The following MORC1 variants were observed in gnomAD, a reference collection of about 807,000 sequenced individuals.
The protein encoded by MORC1 is MORC family CW-type zinc finger 1, also known as MORC family CW-type zinc finger protein 1.
In MORC1, 59 loss-of-function variants were observed where a neutral mutation model predicts 134.9. The ratio of observed to expected loss-of-function variants is 0.44; its 90% CI spans 0.35 to 0.54. The LOEUF is 0.54. MORC1 is among the 20% of genes least tolerant of loss of function. MORC1 has a pLI of 0.00. For synonymous variants in MORC1, 395 were observed against 391.7 expected, an observed-to-expected ratio of 1.01 and a Z score of -0.10; for missense variants, 947 against 1,134.5, an observed-to-expected ratio of 0.83 and a Z score of 2.37.
intron 27 of MORC1, 69 bp downstream of exon 27, chr3:108,963,345 G>T: frequency 7.7e-7 from 1 of 1,294,926 alleles, no homozygotes; most frequent in Non-Finnish European, 1.1e-6. Flanking sequence ...GACAATGTTA[G>T]GAGAAGTTAG....
At chr3:108,997,302 G>A (rs888748878) in intron 21 of MORC1, among the ~76,000 whole-genome samples, 1 of 152,208 alleles carries the variant, frequency 6.6e-6, no homozygotes, top group Non-Finnish European at 1.5e-5. Flanking sequence ...GGAGGCCAAG[G>A]TGGGTGGATC....
rs145918524 is a variant in MORC1 at position 109,089,221 on chromosome 3, TAAAAG to T, written c.689+4210_689+4214del. 3.9e-4 allele frequency among the ~76,000 whole-genome samples: 60 copies of T among 152,166 alleles called. No homozygotes were observed. The East Asian group carries it at 0.012, about 29-fold the overall frequency. On this transcript the variant is annotated intron_variant, in intron 8 of 27. Transcript: ENST00000232603. The stretch of plus-strand genomic sequence containing the variant: ...TACCCCTGAACCTAAAATAAAAGTC[TAAAAG>T]AAAAGTAATGCTTAGATCCAATTCA...
At chr3:109,033,256 TGAAA>T (rs904603284) in intron 15 of MORC1, among the ~76,000 whole-genome samples, 7 of 122,190 alleles carry the variant, frequency 5.7e-5, no homozygotes, top group Non-Finnish European at 8.6e-5. Flanking sequence ...AAAATTAAAC[TGAAA>T]GAAAGAAAGA....
At chr3:109,027,664 G>A (rs1949113412) in intron 17 of MORC1, 87 bp downstream of exon 17, 1 of 1,522,378 alleles carries the variant, frequency 6.6e-7, no homozygotes, top group East Asian at 2.3e-5. Flanking sequence ...ACATTTTATT[G>A]TGTAAACCAC....
At position 109,100,910 on chromosome 3, in the gene MORC1, T is replaced by C. The variant is rs1246978102; in HGVS notation, c.224-403A>G. Among the ~76,000 whole-genome samples, 4 of 152,286 alleles carry C rather than the reference T, an allele frequency of 2.6e-5. No individual in the cohort carries two copies. In the East Asian group the frequency reaches 7.7e-4, roughly 29 times the overall value. On this transcript the variant is annotated intron_variant, in intron 4 of 27. Transcript: ENST00000232603. The stretch of plus-strand genomic sequence containing the variant: ...GATTTAAAGTATACAGGAGGATATA[T>C]ATAGGTTATACGGAAATACCGTGCC...
chr3:108,987,576 C>A (rs184906224), intron 21 of MORC1, among the ~76,000 whole-genome samples: 2 of 151,840 alleles, frequency 1.3e-5, no homozygotes, highest in Non-Finnish European at 2.9e-5. Context: ...GGGTTACTGG[C>A]ACCTGGAGAG....
intron 8 of MORC1, among the ~76,000 whole-genome samples, chr3:109,074,897 G>A (rs575246979): frequency 2.0e-5 from 3 of 152,192 alleles, no homozygotes; most frequent in Non-Finnish European, 4.4e-5. Flanking sequence ...ATATGAAGTA[G>A]ATGATGTTAT....
intron 24 of MORC1, among the ~76,000 whole-genome samples, chr3:108,978,149 T>A (rs534845634): frequency 5.1e-4 from 78 of 152,280 alleles, no homozygotes; most frequent in African/African-American, 1.8e-3. Flanking sequence ...AGTGCTGGGA[T>A]TACAGGCATG....
intron 8 of MORC1, among the ~76,000 whole-genome samples, chr3:109,082,219 G>A (rs1392147460): frequency 4.7e-5 from 7 of 149,424 alleles, no homozygotes; most frequent in Non-Finnish European, 1.0e-4. Context: ...ACCTAGTGCC[G>A]AAAAGAAGGC....
intron 14 of MORC1, among the ~76,000 whole-genome samples, chr3:109,050,859 G>A (rs996536241): frequency 6.6e-6 from 1 of 152,118 alleles, no homozygotes; most frequent in Admixed American, 6.5e-5. Context: ...AAGGTGACTA[G>A]GCTAAATGAA....
chr3:109,096,345 C>A (rs1950830791), intron 6 of MORC1, among the ~76,000 whole-genome samples: 1 of 152,044 alleles, frequency 6.6e-6, no homozygotes, highest in Non-Finnish European at 1.5e-5. Flanking sequence ...GAGGTGGGCA[C>A]AAGATACAGG....
At chr3:108,981,428 G>C (rs962167864) in intron 23 of MORC1, among the ~76,000 whole-genome samples, 1 of 152,088 alleles carries the variant, frequency 6.6e-6, no homozygotes, top group African/African-American at 2.4e-5. Flanking sequence ...TTAATTGCCT[G>C]TTAAAGAATA....
At chr3:109,024,553 A>T (rs1254418697) in intron 17 of MORC1, among the ~76,000 whole-genome samples, 2 of 152,180 alleles carry the variant, frequency 1.3e-5, no homozygotes, top group Non-Finnish European at 2.9e-5. Flanking sequence ...CCAGATCAAG[A>T]TGCCTGCTAC....
chr3:109,087,187 G>C (rs938186072), intron 8 of MORC1, among the ~76,000 whole-genome samples: 1 of 132,580 alleles, frequency 7.5e-6, no homozygotes, highest in African/African-American at 2.8e-5. Context: ...GCAAACAAGG[G>C]AGAGTGAGGT....
At chr3:108,999,177 T>C (rs984341747) in intron 21 of MORC1, among the ~76,000 whole-genome samples, 3 of 152,268 alleles carry the variant, frequency 2.0e-5, no homozygotes, top group African/African-American at 7.2e-5. Flanking sequence ...TTGAAAATAC[T>C]TTGGTGTTTA....
At chr3:109,101,169 T>C (rs1259787972) in intron 4 of MORC1, among the ~76,000 whole-genome samples, 3 of 152,190 alleles carry the variant, frequency 2.0e-5, no homozygotes, top group Non-Finnish European at 4.4e-5. Context: ...GATGATGTAT[T>C]TGTGAAATCC....
At position 109,042,719 on chromosome 3, in the gene MORC1, G is replaced by A. The variant is rs191557582; in HGVS notation, c.1331-7251C>T. 4.6e-5 allele frequency among the ~76,000 whole-genome samples: 7 copies of A among 152,232 alleles called. No individual in the cohort carries two copies. The East Asian group carries it at 1.4e-3, about 29-fold the overall frequency. ...TAGATAAAGGGTTTCAGAACATGTG[G>A]TACCTATACAATGGAATACTATTTA... On this transcript the variant is annotated intron_variant, in intron 14 of 27. Coordinates refer to ENST00000232603, the MANE Select transcript of MORC1 (RefSeq NM_014429.4).
intron 22 of MORC1, 79 bp from the exon 23 acceptor site, chr3:108,984,861 T>TTAAC (rs1295291060): frequency 8.8e-6 from 9 of 1,022,370 alleles, no homozygotes; most frequent in Middle Eastern, 4.2e-4. Context: ...TAGCAGTTCA[T>TTAAC]TAACTACCTC....
At chr3:109,082,979 T>A (rs1950550067) in intron 8 of MORC1, among the ~76,000 whole-genome samples, 1 of 151,962 alleles carries the variant, frequency 6.6e-6, no homozygotes, top group African/African-American at 2.4e-5. Flanking sequence ...CCAATGCATA[T>A]AAGAATCAAA....
Sources: allele counts gnomAD v4.1 joint callset (sites outside exome capture counted in the v4.1 genomes callset), GRCh38; gene constraint gnomAD v4.1.1; transcripts MANE v1.5; gene names NCBI Gene and HGNC (gene_info 2026-07-23, HGNC 2026-07-21).